JCAD: variants seen among roughly 807,000 people sequenced by gnomAD.
The protein encoded by JCAD is junctional cadherin 5 associated, also known as junctional cadherin 5-associated protein.
Under a neutral mutation model 98.0 loss-of-function variants are expected in JCAD, and 40 were observed. The ratio of observed to expected loss-of-function variants is 0.41; its 90% CI spans 0.32 to 0.53. The LOEUF (loss-of-function observed/expected upper bound fraction) is 0.53. Ranked by LOEUF, JCAD falls within the 20% of genes least tolerant of loss-of-function variation. The pLI is 0.31. For synonymous variants in JCAD, 691 were observed against 682.3 expected, an observed-to-expected ratio of 1.01 and a Z score of -0.20; for missense variants, 1,705 against 1,738.1, an observed-to-expected ratio of 0.98 and a Z score of 0.34.
chr10:30,087,303 G>A (rs1838182143), intron 1 of JCAD, among the ~76,000 whole-genome samples: 3 of 152,160 alleles, frequency 2.0e-5, no homozygotes, highest in Admixed American at 1.3e-4. Context: ...GCTGGGCATG[G>A]TGGTGGGTGC....
rs761727051 is a variant in JCAD, at chr10:30,027,973, A to G, written c.2175T>C (p.Pro725=). Residue 725 remains proline, a synonymous_variant, in exon 3 of 4, where the codon CCT becomes CCC. Coordinates refer to ENST00000375377, the MANE Select transcript of JCAD (RefSeq NM_020848.4). The stretch of plus-strand genomic sequence containing the variant: ...TGTGCGTCTGAGCTTCGGAGGCAGC[A>G]GGGTCTGAACATTTTGGACTCAATG... ...RAALSPKCSD[P]AASEAQTHTA... The G allele has an allele frequency of 1.2e-6, 2 of 1,614,236 alleles. No homozygotes were observed. Among genetic ancestry groups the G allele is most frequent in the South Asian group, 1.1e-5 (1 of 91,086 alleles).
chr10:30,083,144 C>T (rs534504834), intron 1 of JCAD, among the ~76,000 whole-genome samples: 3 of 152,110 alleles, frequency 2.0e-5, no homozygotes, highest in Non-Finnish European at 2.9e-5. Flanking sequence ...TTCCTATCCC[C>T]ATTTGTGTAA....
In JCAD at chr10:30,070,334, A is replaced by C. The variant is rs181049803; in HGVS notation, n.129-513T>G. Among the ~76,000 whole-genome samples the C allele has an allele frequency of 1.9e-3, 289 of 152,252 alleles. 2 individuals are homozygous for C. The highest frequency in any genetic ancestry group is 6.5e-3 in the African/African-American group (268 of 41,532). The stretch of plus-strand genomic sequence containing the variant: ...CCCTCCCTCCCTGAACTGATAATTT[A>C]GTGCATTTTTCCCAGTCAGCGCTGA... On this transcript the variant is annotated intron_variant and non_coding_transcript_variant, in intron 1 of 2. Coordinates refer to the JCAD transcript ENST00000465712.
rs538617608 is a variant in JCAD at position 30,046,282 on chromosome 10, C to T, written c.281+1250G>A. On this transcript the variant is annotated intron_variant, in intron 2 of 3. Coordinates refer to ENST00000375377, the MANE Select transcript of JCAD (RefSeq NM_020848.4). Reference sequence around the variant, plus strand: ...GAGGGTTTCAGGGCTCCTCTCCCAGCCTGGCTCTGTGGCAAGCTGCCGAAA... The same window carrying T: ...GAGGGTTTCAGGGCTCCTCTCCCAGTCTGGCTCTGTGGCAAGCTGCCGAAA... Among the ~76,000 whole-genome samples the T allele has an allele frequency of 3.3e-5, 5 of 152,272 alleles. No homozygotes were observed. In the South Asian group the frequency reaches 1.0e-3, roughly 32 times the overall value.
chr10:30,061,945 A>G (rs1263022499), upstream of JCAD, among the ~76,000 whole-genome samples: 2 of 152,222 alleles, frequency 1.3e-5, no homozygotes, highest in Middle Eastern at 3.2e-3. Context: ...TATTCCTGCT[A>G]GAACATTTAT....
chr10:30,090,589 G>GGAGGA (rs1465970459), intron 1 of JCAD, among the ~76,000 whole-genome samples: 2 of 150,864 alleles, frequency 1.3e-5, no homozygotes, highest in African/African-American at 4.9e-5. Context: ...GGAGGGGAGG[G>GGAGGA]GAAAGGGAAA....
rs1009070072 is a variant in JCAD at position 30,029,740 on chromosome 10, G to A, written c.408C>T (p.Ala136=). Residue 136 remains alanine (A), a synonymous_variant, in exon 3 of 4, where the codon GCC becomes GCT. Coordinates refer to ENST00000375377, the MANE Select transcript of JCAD (RefSeq NM_020848.4). ...QKPREHENLE[A]RGMAQAHSLP... ...GGCTGTGGGCTTGGGCCATTCCTCTGGCCTCCAGGTTTTCGTGCTCCCTCG... is the reference window on the plus strand; with the variant it reads ...GGCTGTGGGCTTGGGCCATTCCTCTAGCCTCCAGGTTTTCGTGCTCCCTCG... 1.9e-6 allele frequency: 3 copies of A among 1,614,204 alleles called. No individual in the cohort carries two copies. The highest frequency in any genetic ancestry group is 2.5e-6 in the Non-Finnish European group (3 of 1,180,038).
chr10:30,102,937 T>C (rs553303131), intron 1 of JCAD, among the ~76,000 whole-genome samples: 2 of 152,240 alleles, frequency 1.3e-5, no homozygotes, highest in East Asian at 1.9e-4. Flanking sequence ...ATGAGACTTA[T>C]TCACTATCTT....
chr10:30,084,141 AAAG>A (rs759250320), intron 1 of JCAD, among the ~76,000 whole-genome samples: 1 of 151,008 alleles, frequency 6.6e-6, no homozygotes, highest in South Asian at 2.1e-4. Context: ...AAGGAAGAGA[AAAG>A]AAAAAAGAAA....
At chr10:30,033,083 A>T (rs1349983733) in intron 2 of JCAD, among the ~76,000 whole-genome samples, 1 of 152,242 alleles carries the variant, frequency 6.6e-6, no homozygotes, top group Non-Finnish European at 1.5e-5. Flanking sequence ...GCTTTTACAG[A>T]TAAGAAAACT....
chr10:30,106,763 A>G (rs1350577873), intron 1 of JCAD, among the ~76,000 whole-genome samples: 1 of 152,146 alleles, frequency 6.6e-6, no homozygotes, highest in Non-Finnish European at 1.5e-5. Context: ...AGCCTCCTAA[A>G]GTGCTGGGAT....
rs368097109 is a variant in JCAD at position 30,079,848 on chromosome 10, A to G, written n.129-10027T>C. Among the ~76,000 whole-genome samples, 5 of 152,244 alleles carry G rather than the reference A, an allele frequency of 3.3e-5. No homozygotes were observed. In the East Asian group the frequency reaches 7.7e-4, roughly 23 times the overall value. ...AAACTTAGAATGGTTTCTGCAGATCATGAGAATATGTTATAAAAATAATTT... is the reference window on the plus strand; with the variant it reads ...AAACTTAGAATGGTTTCTGCAGATCGTGAGAATATGTTATAAAAATAATTT... On this transcript the variant is annotated intron_variant and non_coding_transcript_variant, in intron 1 of 2. Coordinates refer to the JCAD transcript ENST00000465712.
At chr10:30,107,941 T>C (rs912897183) in intron 1 of JCAD, among the ~76,000 whole-genome samples, 3 of 152,116 alleles carry the variant, frequency 2.0e-5, no homozygotes, top group African/African-American at 4.8e-5. Flanking sequence ...TGCACCCCTA[T>C]CCTGGAATGC....
intron 1 of JCAD, among the ~76,000 whole-genome samples, chr10:30,114,187 G>A (rs901618174): frequency 3.3e-5 from 5 of 152,176 alleles, no homozygotes; most frequent in African/African-American, 9.7e-5. Context: ...AACCTCACCC[G>A]TAATCTGAAG....
At chr10:30,053,875 C>T (rs940053004) in intron 1 of JCAD, among the ~76,000 whole-genome samples, 1 of 152,046 alleles carries the variant, frequency 6.6e-6, no homozygotes, top group Non-Finnish European at 1.5e-5. Flanking sequence ...CCAGTCTGAC[C>T]AACGCAGTTA....
At chr10:30,081,752 T>C (rs540900103) in intron 1 of JCAD, among the ~76,000 whole-genome samples, 1 of 152,106 alleles carries the variant, frequency 6.6e-6, no homozygotes, top group Non-Finnish European at 1.5e-5. Flanking sequence ...AAGATTTGAA[T>C]GCTAGCACGT....
chr10:30,065,677 C>G (rs1449910256), intron 2 of JCAD, among the ~76,000 whole-genome samples: 1 of 151,900 alleles, frequency 6.6e-6, no homozygotes, highest in Non-Finnish European at 1.5e-5. Flanking sequence ...ATTTTTGTAT[C>G]TTCTGCGGAG....
intron 1 of JCAD, among the ~76,000 whole-genome samples, chr10:30,091,325 G>A (rs1198345315): frequency 1.3e-5 from 2 of 152,286 alleles, no homozygotes; most frequent in Non-Finnish European, 2.9e-5. Context: ...GCAAACTGGC[G>A]TCAGATTTTT....
intron 3 of JCAD, among the ~76,000 whole-genome samples, chr10:30,018,147 A>G (rs1179528933): frequency 6.6e-6 from 1 of 152,220 alleles, no homozygotes; most frequent in Non-Finnish European, 1.5e-5. Context: ...ATGGGAAAAT[A>G]TGAACTGCTG....
Sources: gnomAD v4.1 joint callset for allele counts (sites outside exome capture counted in the v4.1 genomes callset) on GRCh38, gnomAD v4.1.1 for gene constraint, MANE v1.5 for transcripts, NCBI Gene and HGNC (gene_info 2026-07-23, HGNC 2026-07-21) for gene names.